The following LRRC4C variants were observed in gnomAD, a reference collection of about 807,000 sequenced individuals.
LRRC4C encodes the protein leucine-rich repeat-containing protein 4C.
In LRRC4C, 5 loss-of-function variants were observed where a neutral mutation model predicts 33.6. The observed-to-expected ratio is 0.15, with a 90% CI of 0.08 to 0.31. LRRC4C has a LOEUF of 0.31. Among genes scored for constraint, LRRC4C ranks in the 10% least tolerant of loss-of-function variants. The pLI is 1.00. For missense variants in LRRC4C, 560 were observed against 796.7 expected (o/e 0.70, Z 3.58); for synonymous variants, 329 against 302.0 (o/e 1.09, Z -0.93).
intron 3 of LRRC4C, among the ~76,000 whole-genome samples, chr11:40,417,711 T>A (rs1223014071): frequency 1.3e-5 from 2 of 152,046 alleles, no homozygotes; most frequent in Non-Finnish European, 2.9e-5. Flanking sequence ...CATCCATTTA[T>A]TTATTCATTC....
At chr11:40,644,896 A>C (rs747478134) in intron 3 of LRRC4C, among the ~76,000 whole-genome samples, 4 of 151,892 alleles carry the variant, frequency 2.6e-5, no homozygotes, top group Non-Finnish European at 5.9e-5. Flanking sequence ...GTAGTTTTGC[A>C]AGATATTGTC....
At chr11:41,064,535 T>A (rs1938060107) in intron 1 of LRRC4C, among the ~76,000 whole-genome samples, 2 of 152,152 alleles carry the variant, frequency 1.3e-5, no homozygotes. Context: ...ACTATAGAGG[T>A]GCCTAATTAT....
rs540124925 is a variant in LRRC4C at position 41,429,603 on chromosome 11, T to TG, written c.-496+29827dup. Reference sequence around the variant, plus strand: ...GGAACAATGGCTGAGGATGTGAATGTGAAAAACCTGGCTTGTTACCTTGGT... The same window carrying TG: ...GGAACAATGGCTGAGGATGTGAATGTGGAAAAACCTGGCTTGTTACCTTGGT... On this transcript the variant is annotated intron_variant, in intron 1 of 6. Coordinates refer to ENST00000528697, the MANE Select transcript of LRRC4C (RefSeq NM_001258419.2). 5.3e-4 allele frequency among the ~76,000 whole-genome samples: 80 copies of TG among 152,188 alleles called. 1 individual carries two copies. The highest frequency in any genetic ancestry group is 2.1e-3 in the Admixed American group (32 of 15,268).
rs371860466 is a variant in LRRC4C, at chr11:41,202,967, G to A, written c.-496+256464C>T. Among the ~76,000 whole-genome samples, 7 of 152,184 alleles carry A rather than the reference G, an allele frequency of 4.6e-5. No individual in the cohort carries two copies. The South Asian group carries it at 1.5e-3, about 32-fold the overall frequency. The stretch of plus-strand genomic sequence containing the variant: ...TATCCAGCTAATTTTTGTATTTTTA[G>A]TAGAGACGGGGTTTCACCATGTTGG... On this transcript the variant is annotated intron_variant, in intron 1 of 6. Transcript: ENST00000528697.
rs116589191 is a variant in LRRC4C at position 41,163,377 on chromosome 11, G to A, written c.-495-229654C>T. 4.6e-3 allele frequency among the ~76,000 whole-genome samples: 628 copies of A among 136,142 alleles called. 3 individuals carry two copies. Among genetic ancestry groups the A allele is most frequent in the African/African-American group, 0.015 (551 of 36,566 alleles). 89.3% of individuals were successfully genotyped at this position (136,142 alleles called of 152,430 possible). ...CTGCTCACTGCAGCCACTTCCTCCCGGGTTCAAATGATTCCCCTGCCTCAG... is the reference window on the plus strand; with the variant it reads ...CTGCTCACTGCAGCCACTTCCTCCCAGGTTCAAATGATTCCCCTGCCTCAG... On this transcript the variant is annotated intron_variant, in intron 1 of 6. Coordinates refer to ENST00000528697, the MANE Select transcript of LRRC4C (RefSeq NM_001258419.2).
chr11:40,740,253 T>C (rs1048199594), intron 2 of LRRC4C, among the ~76,000 whole-genome samples: 5 of 152,000 alleles, frequency 3.3e-5, no homozygotes, highest in South Asian at 2.1e-4. Flanking sequence ...TTTTCCATAA[T>C]GGTTTTAGCA....
chr11:40,674,590 T>C (rs959083913), intron 2 of LRRC4C, among the ~76,000 whole-genome samples: 2 of 152,204 alleles, frequency 1.3e-5, no homozygotes, highest in Non-Finnish European at 2.9e-5. Context: ...TTGTAAACTA[T>C]AGTCCTATCT....
At chr11:40,650,276 G>T (rs776024714) in intron 2 of LRRC4C, among the ~76,000 whole-genome samples, 36 of 152,228 alleles carry the variant, frequency 2.4e-4, no homozygotes, top group Non-Finnish European at 1.5e-5. Flanking sequence ...TCATGAAGAC[G>T]AAGTGATACT....
At chr11:41,449,318 A>G (rs1323903200) in intron 1 of LRRC4C, among the ~76,000 whole-genome samples, 1 of 152,184 alleles carries the variant, frequency 6.6e-6, no homozygotes, top group Admixed American at 6.5e-5. Flanking sequence ...AGGAAGAAGG[A>G]AGCAAGAAAC....
intron 5 of LRRC4C, among the ~76,000 whole-genome samples, chr11:40,230,878 A>G (rs1373915099): frequency 2.6e-5 from 4 of 152,202 alleles, no homozygotes; most frequent in African/African-American, 7.2e-5. Flanking sequence ...ATAATTAACC[A>G]TATGCCATTT....
At chr11:40,245,983 T>G (rs1866302767) in intron 4 of LRRC4C, among the ~76,000 whole-genome samples, 1 of 151,720 alleles carries the variant, frequency 6.6e-6, no homozygotes, top group East Asian at 1.9e-4. Flanking sequence ...TTTTTTTTTT[T>G]TTTTTTGAGA....
chr11:40,492,078 G>A (rs1954188802), intron 3 of LRRC4C, among the ~76,000 whole-genome samples: 1 of 152,138 alleles, frequency 6.6e-6, no homozygotes, highest in South Asian at 2.1e-4. Flanking sequence ...TAAAGAGATG[G>A]CACTAGAGAG....
intron 4 of LRRC4C, among the ~76,000 whole-genome samples, chr11:40,255,986 T>C (rs1417686708): frequency 6.6e-6 from 1 of 152,222 alleles, no homozygotes; most frequent in Admixed American, 6.5e-5. Flanking sequence ...ATTTATTCAT[T>C]CCTTAAGCAC....
At chr11:40,746,087 C>T (rs12286327) in intron 2 of LRRC4C, among the ~76,000 whole-genome samples, 2 of 152,012 alleles carry the variant, frequency 1.3e-5, no homozygotes, top group Non-Finnish European at 2.9e-5. Flanking sequence ...AGCAAGGCAA[C>T]CTGATCAGTC....
intron 2 of LRRC4C, among the ~76,000 whole-genome samples, chr11:40,731,575 A>T (rs1442638631): frequency 6.6e-6 from 1 of 152,186 alleles, no homozygotes; most frequent in African/African-American, 2.4e-5. Flanking sequence ...AGAATGGCCT[A>T]GTACACTCCC....
intron 5 of LRRC4C, among the ~76,000 whole-genome samples, chr11:40,151,760 G>A (rs997182926): frequency 3.4e-4 from 52 of 152,104 alleles, no homozygotes; most frequent in Non-Finnish European, 2.9e-5. Flanking sequence ...AAGAAACAAG[G>A]CAACATGAGA....
intron 1 of LRRC4C, among the ~76,000 whole-genome samples, chr11:41,004,123 G>T (rs892736264): frequency 6.6e-6 from 1 of 152,138 alleles, no homozygotes; most frequent in African/African-American, 2.4e-5. Flanking sequence ...GCCTGTGGTA[G>T]GTTGGCACAT....
chr11:40,170,556 A>G (rs1411052558), intron 5 of LRRC4C, among the ~76,000 whole-genome samples: 1 of 152,194 alleles, frequency 6.6e-6, no homozygotes, highest in Non-Finnish European at 1.5e-5. Context: ...AAGATAATAA[A>G]AGAGAGTGAG....
chr11:40,578,989 T>C (rs1958341626), intron 3 of LRRC4C, among the ~76,000 whole-genome samples: 1 of 152,088 alleles, frequency 6.6e-6, no homozygotes, highest in African/African-American at 2.4e-5. Context: ...TAAAAATATG[T>C]GATAGTTTGG....
Sources: allele counts gnomAD v4.1 joint callset (sites outside exome capture counted in the v4.1 genomes callset), GRCh38; gene constraint gnomAD v4.1.1; transcripts MANE v1.5; gene names NCBI Gene and HGNC (gene_info 2026-07-23, HGNC 2026-07-21).